SLC66A2: variants seen among roughly 807,000 people sequenced by gnomAD.
SLC66A2 encodes solute carrier family 66 member 2, also known as PQ loop repeat containing 1.
SLC66A2 carries 23 observed loss-of-function variants against 25.5 expected under a neutral mutation model. That is an observed-to-expected ratio of 0.90 (90% CI 0.65 to 1.28). The LOEUF (loss-of-function observed/expected upper bound fraction) is 1.28, where lower values mean the gene tolerates loss of function less well. Among genes scored for constraint, SLC66A2 ranks in the 50% most tolerant of loss-of-function variants. The pLI is 0.00. For synonymous variants in SLC66A2, 193 were observed against 166.5 expected (o/e 1.16, Z -1.23); for missense variants, 396 against 373.1 (o/e 1.06, Z -0.51).
chr18:79,950,206 A>C (rs1374861572), intron 2 of SLC66A2, among the ~76,000 whole-genome samples: 1 of 152,020 alleles, frequency 6.6e-6, no homozygotes, highest in African/African-American at 2.4e-5. Context: ...AATACAAAAA[A>C]AACAATTAGC....
At position 79,916,248 on chromosome 18, in the gene SLC66A2, G is replaced by A. The variant is rs1713638222; in HGVS notation, c.608+2936C>T. Reference sequence around the variant, plus strand: ...CCTGCGGCACTCCCGTACCCGTGGTGCTCTCATAGCCGCAGTGCTCCCGTA... The same window carrying A: ...CCTGCGGCACTCCCGTACCCGTGGTACTCTCATAGCCGCAGTGCTCCCGTA... On this transcript the variant is annotated intron_variant, in intron 5 of 5. Transcript: ENST00000397778. Among the ~76,000 whole-genome samples the A allele has an allele frequency of 6.4e-5, 3 of 47,010 alleles. 1 individual carries two copies. The highest frequency in any genetic ancestry group is 2.5e-3 in the South Asian group (2 of 806). 30.8% of individuals were successfully genotyped at this position (47,010 alleles called of 152,430 possible).
At chr18:79,908,788 C>T (rs1011402646) in intron 5 of SLC66A2, among the ~76,000 whole-genome samples, 1 of 152,120 alleles carries the variant, frequency 6.6e-6, no homozygotes, top group Non-Finnish European at 1.5e-5. Flanking sequence ...ACAGTTGTGT[C>T]GTGAAATATA....
chr18:79,950,291 T>C (rs1411728965), intron 2 of SLC66A2, among the ~76,000 whole-genome samples: 2 of 152,214 alleles, frequency 1.3e-5, no homozygotes, highest in Middle Eastern at 3.4e-3. Flanking sequence ...CCCAGGAACG[T>C]GGAGACTGCG....
intron 5 of SLC66A2, among the ~76,000 whole-genome samples, chr18:79,907,310 T>C (rs1230512611): frequency 6.6e-6 from 1 of 151,476 alleles, no homozygotes; most frequent in Non-Finnish European, 1.5e-5. Context: ...ATCTATTTGG[T>C]TTTTCACTGT....
In SLC66A2 at chr18:79,918,790, A is replaced by G. The variant is rs1041726372; in HGVS notation, c.608+394T>C. On this transcript the variant is annotated intron_variant, in intron 5 of 5. Coordinates refer to ENST00000397778, the MANE Select transcript of SLC66A2 (RefSeq NM_025078.5). This position sits in a 1 kb window ranked among gnomAD's most constrained non-coding sequence, Gnocchi z 4.0. ...GGGCCAGTGGGGAAAGACCGAGGAC[A>G]GTGTCCAAGGCAGCCCCCAGACCAC... Among the ~76,000 whole-genome samples, 27 of 152,186 alleles carry G rather than the reference A, an allele frequency of 1.8e-4. No homozygotes were observed. The highest frequency in any genetic ancestry group is 1.2e-4 in the Non-Finnish European group (8 of 68,028).
Position 79,903,701 on chromosome 18 carries a change from A to C in SLC66A2, c.*275T>G. On this transcript the variant is annotated 3_prime_UTR_variant, in exon 6 of 6. Coordinates refer to ENST00000397778, the MANE Select transcript of SLC66A2 (RefSeq NM_025078.5). ...GCTCAGACGGTGTTTCATAAGAGGAAATGGGGAAAACACTTGCTTTTTATG... is the reference window on the plus strand; with the variant it reads ...GCTCAGACGGTGTTTCATAAGAGGACATGGGGAAAACACTTGCTTTTTATG... 1 of 477,004 alleles carries C rather than the reference A, an allele frequency of 2.1e-6. No individual in the cohort carries two copies. Among genetic ancestry groups the C allele is most frequent in the Non-Finnish European group, 3.7e-6 (1 of 271,728 alleles). The allele number at this position is 477,004 out of a possible 1,614,324, so 29.5% of individuals were successfully genotyped here. A position where few individuals can be genotyped will look rare whatever the true frequency, so the allele number is the denominator to read the frequency against.
In SLC66A2 at chr18:79,937,006, C is replaced by T. The variant is rs1987156741; in HGVS notation, c.338-2984G>A. Among the ~76,000 whole-genome samples, 1 of 152,144 alleles carries T rather than the reference C, an allele frequency of 6.6e-6. No individual in the cohort carries two copies. The highest frequency in any genetic ancestry group is 6.5e-5 in the Admixed American group (1 of 15,282). On this transcript the variant is annotated intron_variant, in intron 3 of 5. Transcript: ENST00000397778. This position sits in a 1 kb window ranked among gnomAD's most constrained non-coding sequence, Gnocchi z 5.4. ...GGGGTCCTTGAGGGCAGAAGGGAGG[C>T]AGAGCTCAGGCTAAGCGACACAGCC...
rs748130622 is a variant in SLC66A2 at position 79,904,043 on chromosome 18, G to T, written c.749C>A (p.Ala250Asp). The T allele has an allele frequency of 6.2e-7, 1 of 1,609,734 alleles. No homozygotes were observed. The highest frequency in any genetic ancestry group is 1.1e-5 in the South Asian group (1 of 90,928). The change falls in exon 6 of 6, where the codon GCC (alanine) becomes GAC (aspartate). Residue 250 changes from alanine (A) to aspartate (D), a missense_variant. By Grantham distance (126) the Ala-to-Asp change is moderately radical. Coordinates refer to ENST00000397778, the MANE Select transcript of SLC66A2 (RefSeq NM_025078.5). The surrounding 1 kb of genome is among the most constrained non-coding windows in gnomAD (Gnocchi z 6.3). ...CGGCTTCTGGGGGTGGCGGGCGAAG[G>T]CGTAGGCCTGCCCCAGGATGGCCAG... ...VDLAILGQAYAFARHPQKPAP... is the reference protein window; with the variant it reads ...VDLAILGQAYDFARHPQKPAP...
In SLC66A2 at chr18:79,927,679, G is replaced by A. The variant is rs1986127103; in HGVS notation, c.391+6290C>T. ...AGAGCCCCCGCCCCAACCCCAGTGA[G>A]TGGGACAGGCTGAGTGGGGACTGAG... On this transcript the variant is annotated intron_variant, in intron 4 of 5. Coordinates refer to ENST00000397778, the MANE Select transcript of SLC66A2 (RefSeq NM_025078.5). This position sits in a 1 kb window ranked among gnomAD's most constrained non-coding sequence, Gnocchi z 6.2. 6.6e-6 allele frequency among the ~76,000 whole-genome samples: 1 copy of A among 152,178 alleles called. No individual in the cohort carries two copies. Among genetic ancestry groups the A allele is most frequent in the Admixed American group, 6.5e-5 (1 of 15,294 alleles).
chr18:79,943,242 C>T, intron 3 of SLC66A2, 87 bp downstream of exon 3: 1 of 1,508,634 alleles, frequency 6.6e-7, no homozygotes, highest in Non-Finnish European at 9.0e-7. Context: ...CTGCTTGGAT[C>T]AGGACAGATT....
intron 5 of SLC66A2, among the ~76,000 whole-genome samples, chr18:79,913,217 G>C (rs981998597): frequency 6.6e-6 from 1 of 152,098 alleles, no homozygotes; most frequent in African/African-American, 2.4e-5. Context: ...ACACACTGTC[G>C]GGGTCCACAC....
intron 4 of SLC66A2, among the ~76,000 whole-genome samples, chr18:79,928,630 C>T (rs1195894321): frequency 6.6e-6 from 1 of 152,188 alleles, no homozygotes; most frequent in East Asian, 1.9e-4. Context: ...ACAGCAACTT[C>T]GTGACACTTG....
chr18:79,904,251 C>G lies in SLC66A2; in HGVS notation c.609-68G>C. 7.0e-7 allele frequency: 1 copy of G among 1,427,934 alleles called. No individual in the cohort carries two copies. The highest frequency in any genetic ancestry group is 9.8e-7 in the Non-Finnish European group (1 of 1,018,638). The allele number at this position is 1,427,934 out of a possible 1,614,324, so 88.5% of individuals were successfully genotyped here. A position where few individuals can be genotyped will look rare whatever the true frequency, so the allele number is the denominator to read the frequency against. On this transcript the variant is annotated intron_variant, in intron 5 of 5. Transcript: ENST00000397778. This position sits in a 1 kb window ranked among gnomAD's most constrained non-coding sequence, Gnocchi z 6.3. Reference sequence around the variant, plus strand: ...GACCTGGGCTCAGTCAGTGGGGAGGCCTGGGGCTTAGACAGCGGGGAGACC... The same window carrying G: ...GACCTGGGCTCAGTCAGTGGGGAGGGCTGGGGCTTAGACAGCGGGGAGACC...
At position 79,904,176 on chromosome 18, in the gene SLC66A2, T is replaced by G. The variant is rs1304766612; in HGVS notation, c.616A>C (p.Met206Leu). 6.2e-7 allele frequency: 1 copy of G among 1,612,522 alleles called. No homozygotes were observed. Among genetic ancestry groups the G allele is most frequent in the South Asian group, 1.1e-5 (1 of 91,052 alleles). Residue 206 changes from methionine (M) to leucine (L), a missense_variant, in exon 6 of 6, where the codon ATG becomes CTG. By Grantham distance (15) the Met-to-Leu change is conservative. Transcript: ENST00000397778. This position sits in a 1 kb window ranked among gnomAD's most constrained non-coding sequence, Gnocchi z 6.3. ...TCACCACTGGTCCACATGAGCACCA[T>G]CTTGATGCTGTGGAGACACAAGCAG... ...HQSTEGMSIK[M>L]VLMWTSGDAF... is the part of the protein sequence containing the mutation.
intron 4 of SLC66A2, among the ~76,000 whole-genome samples, chr18:79,931,226 A>C (rs112679783): frequency 7.2e-5 from 11 of 152,372 alleles, no homozygotes; most frequent in African/African-American, 2.4e-4. Flanking sequence ...ACATATTATA[A>C]CATTAAGTGT....
intron 4 of SLC66A2, among the ~76,000 whole-genome samples, chr18:79,928,281 C>T (rs115262423): frequency 6.5e-4 from 99 of 152,384 alleles, no homozygotes; most frequent in African/African-American, 2.4e-3. Flanking sequence ...GACTTCAGGA[C>T]AGTTCCAGGA....
At position 79,919,303 on chromosome 18, in the gene SLC66A2, C is replaced by T; in HGVS notation, c.489G>A (p.Leu163=). ...CCACAAACAGGGCGGAGTCAATGGA[C>T]AGGTAGGTGATGTAGCCCGCCACGC... ...FTGVAGYITY[L]SIDSALFVET... Residue 163 remains leucine (L), a synonymous_variant, in exon 5 of 6, where the codon CTG becomes CTA. Coordinates refer to ENST00000397778, the MANE Select transcript of SLC66A2 (RefSeq NM_025078.5). The T allele has an allele frequency of 7.4e-6, 12 of 1,613,302 alleles. No homozygotes were observed. The highest frequency in any genetic ancestry group is 1.1e-5 in the South Asian group (1 of 91,090).
chr18:79,914,780 G>A (rs903174614), intron 5 of SLC66A2, among the ~76,000 whole-genome samples: 7 of 152,250 alleles, frequency 4.6e-5, no homozygotes, highest in African/African-American at 1.7e-4. Context: ...AGCTTCAGAC[G>A]CGCAAGTGGA....
At chr18:79,908,910 C>T (rs1259072138) in intron 5 of SLC66A2, among the ~76,000 whole-genome samples, 1 of 152,224 alleles carries the variant, frequency 6.6e-6, no homozygotes, top group Non-Finnish European at 1.5e-5. Context: ...AACGTTTGCT[C>T]TTACCTGTTA....
Sources: gnomAD v4.1 joint callset for allele counts (sites outside exome capture counted in the v4.1 genomes callset) on GRCh38, gnomAD v4.1.1 for gene constraint, Gnocchi (gnomAD v3.1) non-coding constraint, MANE v1.5 for transcripts, NCBI Gene and HGNC (gene_info 2026-07-23, HGNC 2026-07-21) for gene names.